The following SUCLG2 variants were observed in gnomAD, a reference collection of about 807,000 sequenced individuals.
SUCLG2 encodes the protein succinate--CoA ligase [GDP-forming] subunit beta, mitochondrial.
In SUCLG2, 42 loss-of-function variants were observed where a neutral mutation model predicts 47.9. The ratio of observed to expected loss-of-function variants is 0.88; its 90% CI spans 0.69 to 1.14. The LOEUF is 1.14. Among genes scored for constraint, SUCLG2 ranks in the 50% most tolerant of loss-of-function variants. SUCLG2 has a pLI of 0.00. For missense variants in SUCLG2, 571 were observed against 525.9 expected, an observed-to-expected ratio of 1.09 and a Z score of -0.84; for synonymous variants, 195 against 197.3, an observed-to-expected ratio of 0.99 and a Z score of 0.10.
At chr3:67,512,730 C>T (rs1038971204) in intron 6 of SUCLG2, among the ~76,000 whole-genome samples, 4 of 150,884 alleles carry the variant, frequency 2.7e-5, no homozygotes, top group African/African-American at 9.9e-5. Flanking sequence ...GCAACCAATT[C>T]CTAGAACTTC....
At chr3:67,534,953 C>A (rs549338355) in intron 2 of SUCLG2, among the ~76,000 whole-genome samples, 7 of 152,000 alleles carry the variant, frequency 4.6e-5, no homozygotes, top group African/African-American at 1.7e-4. Context: ...TTCAAAAGAA[C>A]AAACTTCCAG....
At chr3:67,574,434 C>A (rs558446634) in intron 2 of SUCLG2, among the ~76,000 whole-genome samples, 1 of 152,178 alleles carries the variant, frequency 6.6e-6, no homozygotes, top group East Asian at 1.9e-4. Flanking sequence ...CATTTATAGT[C>A]AATTGATTTT....
chr3:67,466,846 C>T (rs1344601508), intron 9 of SUCLG2, among the ~76,000 whole-genome samples: 1 of 152,154 alleles, frequency 6.6e-6, no homozygotes, highest in Non-Finnish European at 1.5e-5. Context: ...TGAAATATTA[C>T]CAGCTGAACA....
At chr3:67,584,052 C>T (rs912615357) in intron 2 of SUCLG2, among the ~76,000 whole-genome samples, 1 of 152,198 alleles carries the variant, frequency 6.6e-6, no homozygotes, top group Non-Finnish European at 1.5e-5. Context: ...CTGTCTATCA[C>T]AGCACCCAAG....
intron 1 of SUCLG2, among the ~76,000 whole-genome samples, chr3:67,615,292 C>T (rs1178570094): frequency 1.3e-5 from 2 of 151,930 alleles, no homozygotes; most frequent in Non-Finnish European, 2.9e-5. Flanking sequence ...ATCCTTCGCC[C>T]CATGGTTTTA....
In SUCLG2 at chr3:67,576,537, T is replaced by C. The variant is rs545658650; in HGVS notation, c.226+32918A>G. ...GAAAATAGATGAATTGAGATAAATATATTTAAATTTCCAGAGCAATCTTGA... is the reference window on the plus strand; with the variant it reads ...GAAAATAGATGAATTGAGATAAATACATTTAAATTTCCAGAGCAATCTTGA... On this transcript the variant is annotated intron_variant, in intron 2 of 10. Coordinates refer to ENST00000307227, the MANE Select transcript of SUCLG2 (RefSeq NM_003848.4). Among the ~76,000 whole-genome samples the C allele has an allele frequency of 3.9e-5, 6 of 152,332 alleles. 1 individual carries two copies. In the South Asian group the frequency reaches 1.2e-3, roughly 32 times the overall value.
At chr3:67,636,982 G>A (rs979895651) in intron 1 of SUCLG2, among the ~76,000 whole-genome samples, 1 of 152,192 alleles carries the variant, frequency 6.6e-6, no homozygotes, top group African/African-American at 2.4e-5. Flanking sequence ...TCAAGGCTTT[G>A]TCATGGTAGA....
chr3:67,653,144 T>A (rs1258015424), intron 1 of SUCLG2, among the ~76,000 whole-genome samples: 1 of 152,216 alleles, frequency 6.6e-6, no homozygotes, highest in Non-Finnish European at 1.5e-5. Context: ...TCTGTACAAT[T>A]CATGAGTTTT....
intron 9 of SUCLG2, among the ~76,000 whole-genome samples, chr3:67,450,564 C>T (rs1228669034): frequency 6.6e-6 from 1 of 152,176 alleles, no homozygotes; most frequent in Non-Finnish European, 1.5e-5. Flanking sequence ...ACAGTGAACA[C>T]CTATATGCCC....
intron 6 of SUCLG2, chr3:67,514,043 A>G: frequency 2.8e-6 from 1 of 359,448 alleles, no homozygotes; most frequent in Non-Finnish European, 5.6e-6. Flanking sequence ...GCGCAAGCCG[A>G]GCGGTTGGCC....
At chr3:67,520,416 T>A (rs1458402779) in intron 5 of SUCLG2, 66 bp downstream of exon 5, 1 of 1,606,224 alleles carries the variant, frequency 6.2e-7, no homozygotes, top group Non-Finnish European at 8.5e-7. Flanking sequence ...AGACTCCCCA[T>A]TAAATATTTA....
chr3:67,412,177 A>T (rs9823702), intron 9 of SUCLG2, among the ~76,000 whole-genome samples: 11,765 of 152,196 alleles, frequency 0.077, 504 homozygotes, highest in African/African-American at 0.11. Flanking sequence ...GTATACCATG[A>T]CTGGAGAAAA....
At chr3:67,389,766 CAA>C in intron 10 of SUCLG2, among the ~76,000 whole-genome samples, 1 of 151,998 alleles carries the variant, frequency 6.6e-6, no homozygotes, top group East Asian at 1.9e-4. Context: ...TAAAGTGGTA[CAA>C]AGAGATGGAA....
At chr3:67,470,104 A>C (rs1051249083) in intron 9 of SUCLG2, among the ~76,000 whole-genome samples, 2 of 152,186 alleles carry the variant, frequency 1.3e-5, no homozygotes, top group Non-Finnish European at 2.9e-5. Context: ...CAAACTTTAC[A>C]TCTCATACAA....
At chr3:67,439,130 C>T (rs1703695620) in intron 9 of SUCLG2, among the ~76,000 whole-genome samples, 1 of 152,138 alleles carries the variant, frequency 6.6e-6, no homozygotes, top group African/African-American at 2.4e-5. Flanking sequence ...GAACCAATGA[C>T]AAAAACCACA....
At chr3:67,368,435 T>A (rs1701904413) in intron 10 of SUCLG2, among the ~76,000 whole-genome samples, 1 of 152,284 alleles carries the variant, frequency 6.6e-6, no homozygotes, top group Non-Finnish European at 1.5e-5. Context: ...GTTGCTGGTC[T>A]TTTCTACTTT....
intron 2 of SUCLG2, among the ~76,000 whole-genome samples, chr3:67,569,637 G>C (rs1016432314): frequency 2.6e-5 from 4 of 152,174 alleles, no homozygotes; most frequent in Non-Finnish European, 5.9e-5. Flanking sequence ...GTCCCTTTAG[G>C]ACTAGAATGT....
At chr3:67,627,653 G>A (rs1398978779) in intron 1 of SUCLG2, among the ~76,000 whole-genome samples, 4 of 152,224 alleles carry the variant, frequency 2.6e-5, no homozygotes, top group African/African-American at 9.6e-5. Context: ...ACACTATAGG[G>A]AGACTAAAGG....
At chr3:67,409,023 CA>C (rs1243978924) in intron 9 of SUCLG2, 2 of 1,535,108 alleles carry the variant, frequency 1.3e-6, no homozygotes, top group Non-Finnish European at 1.7e-6. Flanking sequence ...TTCTTGCTTT[CA>C]AATTTTGCTG....
Sources: allele counts gnomAD v4.1 joint callset (sites outside exome capture counted in the v4.1 genomes callset), GRCh38; gene constraint gnomAD v4.1.1; transcripts MANE v1.5; gene names NCBI Gene and HGNC (gene_info 2026-07-23, HGNC 2026-07-21).